TENM4: variants seen among roughly 807,000 people sequenced by gnomAD.
The protein encoded by TENM4 is teneurin-4.
TENM4 carries 82 observed loss-of-function variants against 243.3 expected under a neutral mutation model. That is an observed-to-expected ratio of 0.34 (90% CI 0.28 to 0.40). The LOEUF is 0.40. Ranked by LOEUF, TENM4 falls within the 10% of genes least tolerant of loss-of-function variation. The pLI, the probability that TENM4 is intolerant of heterozygous loss-of-function variation, is 1.00. For synonymous variants in TENM4, 1,412 were observed against 1,456.3 expected, an observed-to-expected ratio of 0.97 and a Z score of 0.69; for missense variants, 3,138 against 3,673.3, an observed-to-expected ratio of 0.85 and a Z score of 3.77.
At chr11:78,827,507 T>C (rs1025065267) in intron 12 of TENM4, among the ~76,000 whole-genome samples, 3 of 151,474 alleles carry the variant, frequency 2.0e-5, no homozygotes, top group Non-Finnish European at 4.4e-5. Flanking sequence ...ATTTATTTAT[T>C]TGATGGAGTT....
intron 14 of TENM4, among the ~76,000 whole-genome samples, chr11:78,810,047 G>A (rs1438804269): frequency 2.0e-5 from 3 of 151,810 alleles, no homozygotes; most frequent in African/African-American, 2.4e-5. Flanking sequence ...ATAAACTTCA[G>A]AAGAAGGAAG....
At chr11:78,863,349 C>G (rs899343427) in intron 9 of TENM4, among the ~76,000 whole-genome samples, 4 of 152,178 alleles carry the variant, frequency 2.6e-5, no homozygotes, top group Admixed American at 2.6e-4. Flanking sequence ...GGCTCACAGT[C>G]TGGTGGAACT....
intron 4 of TENM4, among the ~76,000 whole-genome samples, chr11:79,081,109 T>G (rs576709406): frequency 3.3e-5 from 5 of 152,340 alleles, no homozygotes; most frequent in African/African-American, 1.2e-4. Flanking sequence ...AACTTAGTTT[T>G]AACACAAAGG....
intron 23 of TENM4, among the ~76,000 whole-genome samples, chr11:78,725,440 C>T (rs553226628): frequency 2.6e-5 from 4 of 152,282 alleles, no homozygotes; most frequent in East Asian, 3.9e-4. Flanking sequence ...TGGTGCCACT[C>T]GCATGCGTTA....
chr11:78,738,671 T>TC, intron 19 of TENM4, 101 bp from the exon 20 acceptor site: 1 of 1,239,250 alleles, frequency 8.1e-7, no homozygotes, highest in East Asian at 2.5e-5. Flanking sequence ...AATCAGTCAC[T>TC]CAGACACATC....
At chr11:78,949,089 A>C (rs58853657) in intron 6 of TENM4, among the ~76,000 whole-genome samples, 8,437 of 152,266 alleles carry the variant, frequency 0.055, 417 homozygotes, top group East Asian at 0.22. Flanking sequence ...CACAAAGCCC[A>C]GTCTCTTTAG....
intron 1 of TENM4, among the ~76,000 whole-genome samples, chr11:79,410,918 G>A (rs1858685576): frequency 6.6e-6 from 1 of 152,016 alleles, no homozygotes; most frequent in South Asian, 2.1e-4. Flanking sequence ...GCCTACCTCT[G>A]TCCTTGTTAA....
intron 1 of TENM4, among the ~76,000 whole-genome samples, chr11:79,420,067 G>A (rs1861243719): frequency 1.3e-5 from 2 of 152,126 alleles, no homozygotes; most frequent in Non-Finnish European, 2.9e-5. Flanking sequence ...AACCCACTGT[G>A]TTCTCTTTGT....
At chr11:79,166,715 C>T (rs561668740) in intron 3 of TENM4, among the ~76,000 whole-genome samples, 7 of 152,210 alleles carry the variant, frequency 4.6e-5, no homozygotes, top group South Asian at 2.1e-4. Flanking sequence ...TGTAGTCATG[C>T]GGTGATTAAT....
chr11:79,048,889 A>G (rs1859727844), intron 6 of TENM4, among the ~76,000 whole-genome samples: 1 of 152,150 alleles, frequency 6.6e-6, no homozygotes, highest in South Asian at 2.1e-4. Context: ...CTGTGGTCCC[A>G]TCCCAGATCT....
At chr11:79,280,374 C>T (rs1031082677) in intron 2 of TENM4, among the ~76,000 whole-genome samples, 1 of 152,196 alleles carries the variant, frequency 6.6e-6, no homozygotes, top group Non-Finnish European at 1.5e-5. Flanking sequence ...CCAGAGCCTG[C>T]CACCCACTAA....
chr11:79,341,444 C>G (rs1857240512), intron 1 of TENM4, among the ~76,000 whole-genome samples: 1 of 152,180 alleles, frequency 6.6e-6, no homozygotes, highest in Non-Finnish European at 1.5e-5. Context: ...TGCAGCTGGG[C>G]AGGTACTAGA....
intron 1 of TENM4, among the ~76,000 whole-genome samples, chr11:79,398,585 G>A (rs1365161196): frequency 6.6e-6 from 1 of 152,046 alleles, no homozygotes; most frequent in Admixed American, 6.5e-5. Context: ...CAAACAAGTG[G>A]CTTAGTTTTA....
chr11:79,207,131 C>A (rs117763319), intron 3 of TENM4, among the ~76,000 whole-genome samples: 4 of 152,042 alleles, frequency 2.6e-5, no homozygotes, highest in Non-Finnish European at 5.9e-5. Flanking sequence ...CCTGTGGGGT[C>A]GGGGCAGGCT....
At chr11:79,422,611 G>A (rs969577839) in intron 1 of TENM4, among the ~76,000 whole-genome samples, 1 of 152,184 alleles carries the variant, frequency 6.6e-6, no homozygotes, top group Non-Finnish European at 1.5e-5. Flanking sequence ...AAACTCGCTG[G>A]AGAGGCCAGC....
intron 19 of TENM4, among the ~76,000 whole-genome samples, chr11:78,749,584 A>G (rs1301608942): frequency 6.6e-6 from 1 of 152,190 alleles, no homozygotes; most frequent in African/African-American, 2.4e-5. Flanking sequence ...CTCTTCTGAA[A>G]CTGCTATGCC....
chr11:78,808,552 G>C (rs569599070), intron 14 of TENM4, among the ~76,000 whole-genome samples: 1 of 152,162 alleles, frequency 6.6e-6, no homozygotes, highest in Non-Finnish European at 1.5e-5. Context: ...TATGGCAAAT[G>C]GAAGAATTTA....
chr11:79,029,044 A>G (rs1859158751), intron 6 of TENM4, among the ~76,000 whole-genome samples: 1 of 152,160 alleles, frequency 6.6e-6, no homozygotes. Context: ...CACATTTTGC[A>G]TCCTTTCAAA....
intron 19 of TENM4, among the ~76,000 whole-genome samples, chr11:78,741,303 G>A (rs1006566539): frequency 4.6e-5 from 7 of 151,642 alleles, no homozygotes; most frequent in African/African-American, 1.5e-4. Context: ...TTTAATGACC[G>A]ACTTTTGAAA....
Sources: gnomAD v4.1 joint callset for allele counts (sites outside exome capture counted in the v4.1 genomes callset) on GRCh38, gnomAD v4.1.1 for gene constraint, MANE v1.5 for transcripts, NCBI Gene and HGNC (gene_info 2026-07-23, HGNC 2026-07-21) for gene names.